Variants in MORN1 observed in about 807,000 individuals in gnomAD.
MORN1 encodes the protein MORN repeat containing 1.
MORN1 carries 67 observed loss-of-function variants against 61.9 expected under a neutral mutation model. The observed-to-expected ratio is 1.08, with a 90% CI of 0.89 to 1.33. The LOEUF (loss-of-function observed/expected upper bound fraction) is 1.33. Among genes scored for constraint, MORN1 ranks in the 40% most tolerant of loss-of-function variants. The probability of loss-of-function intolerance (pLI) is 0.00; values close to 1 mark genes in which losing one functional copy is unlikely to be tolerated. For missense variants in MORN1, 752 were observed against 691.2 expected, an observed-to-expected ratio of 1.09 and a Z score of -0.99; for synonymous variants, 301 against 292.0, an observed-to-expected ratio of 1.03 and a Z score of -0.31.
At chr1:2,365,031 C>T (rs1281164270) in intron 8 of MORN1, among the ~76,000 whole-genome samples, 3 of 152,170 alleles carry the variant, frequency 2.0e-5, no homozygotes, top group Non-Finnish European at 2.9e-5. Flanking sequence ...TTAGGATTGA[C>T]TTGGTGATGC....
intron 8 of MORN1, among the ~76,000 whole-genome samples, chr1:2,360,324 T>C (rs1569991931): frequency 6.6e-6 from 1 of 152,232 alleles, no homozygotes; most frequent in African/African-American, 2.4e-5. Flanking sequence ...TGGGATCGAT[T>C]GACACCCCTG....
At chr1:2,351,866 C>T (rs930464115) in intron 10 of MORN1, 19 of 507,498 alleles carry the variant, frequency 3.7e-5, no homozygotes, top group Admixed American at 6.9e-5. Context: ...TCACGACTGC[C>T]GTTCCCCCAG....
chr1:2,387,157 C>T (rs1248874132), intron 4 of MORN1: 3 of 530,998 alleles, frequency 5.6e-6, no homozygotes, highest in East Asian at 6.2e-5. Context: ...CCATTTTAAC[C>T]CCTAAGCCAC....
Position 2,389,979 on chromosome 1 carries a change from A to G in MORN1, c.94T>C (p.Tyr32His). The change falls in exon 2 of 14, where the codon TAC (tyrosine) becomes CAC (histidine). Residue 32 changes from tyrosine to histidine, a missense_variant. Coordinates refer to ENST00000378531, the MANE Select transcript of MORN1 (RefSeq NM_024848.3). ...TCATATCGAAAGAAGGAATTTGGGT[A>G]TACGTAGACACCATAACCTGAGTAT... is the stretch of plus-strand genomic sequence containing the variant. ...PPRNGYGVYV[Y>H]PNSFFRYEGE... 1.9e-6 allele frequency: 3 copies of G among 1,614,002 alleles called. No individual in the cohort carries two copies. The highest frequency in any genetic ancestry group is 2.5e-6 in the Non-Finnish European group (3 of 1,179,876).
chr1:2,322,639 C>T, intron 13 of MORN1: 1 of 985,454 alleles, frequency 1.0e-6, no homozygotes, highest in African/African-American at 1.7e-5. Context: ...CAGCACCGGG[C>T]ACCGGGGACA....
chr1:2,326,221 T>C (rs1456410252), intron 12 of MORN1: 2 of 152,138 alleles, frequency 1.3e-5, no homozygotes, highest in African/African-American at 4.8e-5. Flanking sequence ...GACTTTGAAA[T>C]GACTTCATTT....
intron 10 of MORN1, among the ~76,000 whole-genome samples, chr1:2,342,341 G>A (rs769813070): frequency 2.0e-5 from 3 of 152,280 alleles, no homozygotes; most frequent in East Asian, 1.9e-4. Flanking sequence ...AAGAATAGCC[G>A]CGGCAGGCGC....
intron 1 of MORN1, chr1:2,390,679 T>C (rs1007842832): frequency 3.0e-6 from 3 of 985,224 alleles, no homozygotes; most frequent in Non-Finnish European, 3.6e-6. Context: ...TACCTGAAGA[T>C]AGTAGTGTTA....
chr1:2,339,858 C>T (rs889959335), intron 10 of MORN1, among the ~76,000 whole-genome samples: 2 of 152,214 alleles, frequency 1.3e-5, no homozygotes, highest in African/African-American at 2.4e-5. Flanking sequence ...CTAAAGAAAA[C>T]GAGGGCACGG....
intron 12 of MORN1, chr1:2,332,600 G>T (rs1311291201): frequency 2.2e-6 from 1 of 456,524 alleles, no homozygotes; most frequent in Non-Finnish European, 4.4e-6. Flanking sequence ...ACAGGCCCAG[G>T]TTGGGGGCCA....
Position 2,342,990 on chromosome 1 carries a change from C to T in MORN1, c.1037-6140G>A, listed in dbSNP as rs1478187523. Among the ~76,000 whole-genome samples, 4 of 151,942 alleles carry T rather than the reference C, an allele frequency of 2.6e-5. No individual in the cohort carries two copies. In the East Asian group the frequency reaches 5.8e-4, roughly 22 times the overall value. ...CTGAGTTCAAGCAATCCTCCCGCCTCAGCCTCCCAAAGTGCTGGGATCACG... is the reference window on the plus strand; with the variant it reads ...CTGAGTTCAAGCAATCCTCCCGCCTTAGCCTCCCAAAGTGCTGGGATCACG... On this transcript the variant is annotated intron_variant, in intron 10 of 13. Coordinates refer to ENST00000378531, the MANE Select transcript of MORN1 (RefSeq NM_024848.3).
chr1:2,342,352 A>G (rs1329880675), intron 10 of MORN1, among the ~76,000 whole-genome samples: 1 of 152,276 alleles, frequency 6.6e-6, no homozygotes, highest in Non-Finnish European at 1.5e-5. Context: ...CGGCAGGCGC[A>G]GGACCTGGCC....
At chr1:2,338,873 CGTG>C in intron 10 of MORN1, among the ~76,000 whole-genome samples, 1 of 152,116 alleles carries the variant, frequency 6.6e-6, no homozygotes, top group African/African-American at 2.4e-5. Flanking sequence ...TAAAGGCTGT[CGTG>C]ACTGTCCCTG....
chr1:2,342,554 G>C (rs1641417244), intron 10 of MORN1, among the ~76,000 whole-genome samples: 1 of 152,304 alleles, frequency 6.6e-6, no homozygotes, highest in East Asian at 1.9e-4. Context: ...GCCTGGAGAA[G>C]TCAGCGGGAA....
At chr1:2,383,418 C>G (rs879369476) in intron 6 of MORN1, among the ~76,000 whole-genome samples, 1 of 152,192 alleles carries the variant, frequency 6.6e-6, no homozygotes, top group Non-Finnish European at 1.5e-5. Context: ...CACACCCTCT[C>G]TGTGGAGGTC....
chr1:2,391,506 T>C lies in MORN1; in HGVS notation c.28A>G (p.Ser10Gly). MAAAGEGTP[S>G]SRGPRRDPPR... ...GGGTCCCGACGCGGCCCGCGGGAGC[T>C]CGGGGTGCCCTCGCCCGCCGCTGCC... Residue 10 changes from serine to glycine, a missense_variant, in exon 1 of 14, where the codon AGC becomes GGC. Physicochemically the swap from Ser to Gly is moderately conservative, Grantham distance 56 (BLOSUM62 0). Coordinates refer to ENST00000378531, the MANE Select transcript of MORN1 (RefSeq NM_024848.3). 2 of 1,249,872 alleles carry C rather than the reference T, an allele frequency of 1.6e-6. 1 individual carries two copies. The highest frequency in any genetic ancestry group is 6.9e-5 in the South Asian group (2 of 29,032). The allele number at this position is 1,249,872 out of a possible 1,614,324, so 77.4% of individuals were successfully genotyped here.
intron 13 of MORN1, chr1:2,323,262 G>A (rs1012610969): frequency 5.1e-6 from 5 of 985,278 alleles, no homozygotes; most frequent in African/African-American, 3.5e-5. Context: ...CACGGGTGCC[G>A]TCCCCACGAC....
intron 8 of MORN1, among the ~76,000 whole-genome samples, chr1:2,369,276 C>T (rs1000026745): frequency 6.6e-6 from 1 of 151,080 alleles, no homozygotes; most frequent in African/African-American, 2.4e-5. Flanking sequence ...ATGGTGTGAA[C>T]CCAGGAGGTG....
At chr1:2,356,040 T>C (rs1307532872) in intron 10 of MORN1, among the ~76,000 whole-genome samples, 1 of 151,354 alleles carries the variant, frequency 6.6e-6, no homozygotes, top group Non-Finnish European at 1.5e-5. Context: ...AGGGTTGGAG[T>C]TGGGGGATCA....
Sources: gnomAD v4.1 joint callset for allele counts (sites outside exome capture counted in the v4.1 genomes callset) on GRCh38, gnomAD v4.1.1 for gene constraint, MANE v1.5 for transcripts, NCBI Gene and HGNC (gene_info 2026-07-23, HGNC 2026-07-21) for gene names.